The following MYO1B variants were observed in gnomAD, a reference collection of about 807,000 sequenced individuals.
MYO1B encodes the protein unconventional myosin-Ib.
In MYO1B, 72 loss-of-function variants were observed where a neutral mutation model predicts 159.7. The observed-to-expected ratio is 0.45, with a 90% CI of 0.37 to 0.55. The LOEUF (loss-of-function observed/expected upper bound fraction) is 0.55. MYO1B is among the 20% of genes least tolerant of loss of function. MYO1B has a pLI of 0.00. For missense variants in MYO1B, 1,062 were observed against 1,364.8 expected (o/e 0.78, Z 3.50); for synonymous variants, 468 against 473.8 (o/e 0.99, Z 0.16).
chr2:191,345,157 A>G (rs1044940237), intron 5 of MYO1B, among the ~76,000 whole-genome samples: 14 of 152,136 alleles, frequency 9.2e-5, no homozygotes, highest in African/African-American at 3.4e-4. Flanking sequence ...TGGCCCCTGG[A>G]TCCCAGTAAC....
intron 2 of MYO1B, among the ~76,000 whole-genome samples, chr2:191,277,574 T>C (rs1687827991): frequency 6.6e-6 from 1 of 152,350 alleles, no homozygotes. Flanking sequence ...AATATGTATA[T>C]GCTATAATAG....
intron 13 of MYO1B, among the ~76,000 whole-genome samples, chr2:191,371,448 G>A (rs1386998146): frequency 6.6e-6 from 1 of 152,136 alleles, no homozygotes; most frequent in African/African-American, 2.4e-5. Context: ...TGTGGTAAGT[G>A]GTGTGTGTAT....
intron 1 of MYO1B, chr2:191,246,301 G>A (rs1685790056): frequency 6.6e-6 from 1 of 152,486 alleles, no homozygotes; most frequent in Non-Finnish European, 1.5e-5. Context: ...GAGCTACGAA[G>A]GGTGGTGGGG....
chr2:191,380,248 T>A (rs1212330441), intron 13 of MYO1B, among the ~76,000 whole-genome samples: 2 of 152,226 alleles, frequency 1.3e-5, no homozygotes, highest in African/African-American at 4.8e-5. Flanking sequence ...CCAAAGTTGA[T>A]TTTTAAAGAT....
At chr2:191,285,443 G>A (rs193007393) in intron 2 of MYO1B, among the ~76,000 whole-genome samples, 102 of 152,298 alleles carry the variant, frequency 6.7e-4, no homozygotes, top group African/African-American at 2.4e-3. Flanking sequence ...TGCGGCCACC[G>A]TCGGCAGCCA....
chr2:191,306,763 C>G (rs1057069194), intron 3 of MYO1B, among the ~76,000 whole-genome samples: 12 of 151,996 alleles, frequency 7.9e-5, no homozygotes, highest in Non-Finnish European at 1.3e-4. Flanking sequence ...GTTCAGAGTC[C>G]CAGGCAACCC....
At chr2:191,351,947 G>A (rs1692952853) in intron 7 of MYO1B, among the ~76,000 whole-genome samples, 1 of 152,122 alleles carries the variant, frequency 6.6e-6, no homozygotes, top group African/African-American at 2.4e-5. Flanking sequence ...ACTTTTGTAT[G>A]CCATGTGTTC....
intron 2 of MYO1B, among the ~76,000 whole-genome samples, chr2:191,277,443 G>A (rs960870726): frequency 2.6e-5 from 4 of 152,200 alleles, no homozygotes; most frequent in African/African-American, 9.6e-5. Context: ...CTCGACATTT[G>A]TAGTTAGTAG....
At chr2:191,258,754 T>C (rs547913676) in intron 1 of MYO1B, among the ~76,000 whole-genome samples, 1 of 152,288 alleles carries the variant, frequency 6.6e-6, no homozygotes, top group Admixed American at 6.5e-5. Flanking sequence ...AGTCGTTGGG[T>C]TTAGCCTAGG....
chr2:191,408,230 G>A (rs1392402090), intron 25 of MYO1B, 41 bp downstream of exon 25: 3 of 1,445,030 alleles, frequency 2.1e-6, no homozygotes, highest in African/African-American at 1.4e-5. Context: ...CAGCATTGTG[G>A]AATTACCCAC....
At chr2:191,261,354 CTGAGA>C (rs1056714013) in intron 1 of MYO1B, among the ~76,000 whole-genome samples, 41 of 152,118 alleles carry the variant, frequency 2.7e-4, no homozygotes, top group African/African-American at 9.7e-4. Flanking sequence ...TTAGGAGTGG[CTGAGA>C]TAAGTAAAAA....
chr2:191,341,016 G>C lies in MYO1B; in HGVS notation c.347-445G>C, dbSNP rs192773063. On this transcript the variant is annotated intron_variant, in intron 4 of 30. Transcript: ENST00000392318. ...TGGGATTACAGGCGGGAGCCACTGT[G>C]CCTGGCCGAGCAAACGACTTGGAAC... Among the ~76,000 whole-genome samples, 16 of 152,276 alleles carry C rather than the reference G, an allele frequency of 1.1e-4. No individual in the cohort carries two copies. The East Asian group carries it at 2.9e-3, about 28-fold the overall frequency.
At chr2:191,401,759 A>G (rs1299763687) in intron 23 of MYO1B, 2 of 152,226 alleles carry the variant, frequency 1.3e-5, no homozygotes, top group African/African-American at 4.8e-5. Context: ...GCTTTTCCTG[A>G]AAATCTGTGA....
chr2:191,405,921 C>T (rs1331798674), intron 24 of MYO1B, among the ~76,000 whole-genome samples: 2 of 152,228 alleles, frequency 1.3e-5, no homozygotes, highest in South Asian at 2.1e-4. Flanking sequence ...GAGAATCAAC[C>T]TGTCCTTTGA....
chr2:191,360,836 A>G, intron 8 of MYO1B, 107 bp downstream of exon 8: 2 of 719,828 alleles, frequency 2.8e-6, no homozygotes, highest in Non-Finnish European at 4.6e-6. Flanking sequence ...CTAATTCCTG[A>G]GCTCAAGCGA....
At chr2:191,324,591 T>G (rs1214874086) in intron 3 of MYO1B, among the ~76,000 whole-genome samples, 2 of 152,182 alleles carry the variant, frequency 1.3e-5, no homozygotes, top group African/African-American at 4.8e-5. Flanking sequence ...TTTTACTGCA[T>G]AGTGCACACT....
chr2:191,339,142 A>G (rs1692046644), intron 4 of MYO1B, among the ~76,000 whole-genome samples: 1 of 152,108 alleles, frequency 6.6e-6, no homozygotes, highest in African/African-American at 2.4e-5. Context: ...GGGTGATTGA[A>G]GAGAGCTGCC....
chr2:191,340,482 C>T (rs1692145411), intron 4 of MYO1B, among the ~76,000 whole-genome samples: 2 of 152,136 alleles, frequency 1.3e-5, no homozygotes, highest in African/African-American at 4.8e-5. Context: ...GATAAAACCA[C>T]CAAAGACATG....
chr2:191,359,151 C>A (rs182017776), intron 7 of MYO1B, among the ~76,000 whole-genome samples: 5 of 152,112 alleles, frequency 3.3e-5, no homozygotes, highest in African/African-American at 1.2e-4. Flanking sequence ...TAAGTAAAAT[C>A]GTACTGCATG....
Sources: allele counts gnomAD v4.1 joint callset (sites outside exome capture counted in the v4.1 genomes callset), GRCh38; gene constraint gnomAD v4.1.1; transcripts MANE v1.5; gene names NCBI Gene and HGNC (gene_info 2026-07-23, HGNC 2026-07-21).